The following BBX variants were observed in gnomAD, a reference collection of about 807,000 sequenced individuals.
The protein encoded by BBX is BBX high mobility group box domain containing.
A neutral mutation model predicts 100.2 loss-of-function variants in BBX; 30 were observed. The ratio of observed to expected loss-of-function variants is 0.30; its 90% confidence interval spans 0.22 to 0.41. BBX has a LOEUF of 0.41. Among genes scored for constraint, BBX ranks in the 10% least tolerant of loss-of-function variants. The probability of loss-of-function intolerance (pLI) is 1.00; values close to 1 mark genes in which losing one functional copy is unlikely to be tolerated. For synonymous variants in BBX, 376 were observed against 388.1 expected (o/e 0.97, Z 0.37); for missense variants, 1,023 against 1,129.8 (o/e 0.91, Z 1.35).
At chr3:107,604,499 G>A (rs2054287798) in intron 2 of BBX, among the ~76,000 whole-genome samples, 1 of 152,046 alleles carries the variant, frequency 6.6e-6, no homozygotes, top group South Asian at 2.1e-4. Flanking sequence ...TTGGGACTGA[G>A]CCTATCATTC....
In BBX at chr3:107,534,218, A is replaced by G. The variant is rs1011845606; in HGVS notation, c.-84+7820A>G. ...AGGAAAGCCACAGATTAAGTAATTC[A>G]GAGGGACTCTTATTAGCAATGCTGA... On this transcript the variant is annotated intron_variant, in intron 2 of 17. Transcript: ENST00000325805. Among the ~76,000 whole-genome samples the G allele has an allele frequency of 3.9e-5, 6 of 152,238 alleles. No individual in the cohort carries two copies. The South Asian group carries it at 8.3e-4, about 21-fold the overall frequency.
rs2063142173 is a variant in BBX, at chr3:107,728,971, A to T, written c.601+11A>T. The T allele has an allele frequency of 6.8e-6, 11 of 1,611,578 alleles. No individual in the cohort carries two copies. The East Asian group carries it at 2.5e-4, about 36-fold the overall frequency. ...ACTTTGGAATGGCTGGTGAGTTGAG[A>T]CACTATTTCCACCTATTCTTTAAGG... On this transcript the variant is annotated intron_variant, in intron 6 of 17. Transcript: ENST00000325805.
intron 6 of BBX, among the ~76,000 whole-genome samples, chr3:107,730,042 T>A (rs565198720): frequency 6.6e-6 from 1 of 152,174 alleles, no homozygotes; most frequent in South Asian, 2.1e-4. Context: ...AGCTGTGACC[T>A]CACGACTGCA....
At chr3:107,587,882 T>G (rs77517516) in intron 2 of BBX, among the ~76,000 whole-genome samples, 1 of 152,196 alleles carries the variant, frequency 6.6e-6, no homozygotes, top group South Asian at 2.1e-4. Flanking sequence ...CATTTACTCA[T>G]CACTGAAGTA....
chr3:107,764,032 G>A (rs913210661), intron 10 of BBX, among the ~76,000 whole-genome samples: 22 of 152,096 alleles, frequency 1.4e-4, no homozygotes, highest in Non-Finnish European at 2.5e-4. Context: ...TTGCTCTGTC[G>A]CCCAGGCTGG....
At chr3:107,585,782 A>C (rs1488238465) in intron 2 of BBX, among the ~76,000 whole-genome samples, 1 of 152,200 alleles carries the variant, frequency 6.6e-6, no homozygotes, top group East Asian at 1.9e-4. Flanking sequence ...CTAAAGTAAA[A>C]ATTAAACTAA....
chr3:107,707,682 C>T (rs2061468796), intron 3 of BBX, among the ~76,000 whole-genome samples: 1 of 152,074 alleles, frequency 6.6e-6, no homozygotes, highest in Admixed American at 6.5e-5. Context: ...GGTATGTGAG[C>T]TACGTGGGAA....
chr3:107,774,368 G>GTC (rs959745071), intron 11 of BBX, among the ~76,000 whole-genome samples: 1 of 152,144 alleles, frequency 6.6e-6, no homozygotes, highest in African/African-American at 2.4e-5. Flanking sequence ...AGGGATGTCA[G>GTC]TTCAGTGAGT....
At chr3:107,715,061 G>A (rs1222051399) in intron 4 of BBX, among the ~76,000 whole-genome samples, 2 of 152,150 alleles carry the variant, frequency 1.3e-5, no homozygotes, top group Non-Finnish European at 2.9e-5. Context: ...TGGGATTACA[G>A]GCATGAGCCA....
chr3:107,525,147 G>A (rs1235891299), intron 1 of BBX, among the ~76,000 whole-genome samples: 2 of 148,394 alleles, frequency 1.3e-5, no homozygotes, highest in African/African-American at 2.4e-5. Context: ...GGGGCGCCGG[G>A]GGTCCCCGGC....
At chr3:107,705,687 T>C (rs2061351418) in intron 3 of BBX, among the ~76,000 whole-genome samples, 1 of 152,188 alleles carries the variant, frequency 6.6e-6, no homozygotes, top group Non-Finnish European at 1.5e-5. Flanking sequence ...TGCTTCCCAG[T>C]CTAAAAAGCT....
intron 2 of BBX, among the ~76,000 whole-genome samples, chr3:107,552,871 CTA>C (rs1559803372): frequency 6.6e-6 from 1 of 152,190 alleles, no homozygotes; most frequent in African/African-American, 2.4e-5. Context: ...TACGCAATCT[CTA>C]AGGACATTGC....
At chr3:107,661,475 A>C (rs1217134389) in intron 3 of BBX, among the ~76,000 whole-genome samples, 1 of 152,174 alleles carries the variant, frequency 6.6e-6, no homozygotes, top group African/African-American at 2.4e-5. Flanking sequence ...GTGTGTGTAG[A>C]TGTATCTCCA....
chr3:107,663,760 A>G (rs1474112059), intron 3 of BBX, among the ~76,000 whole-genome samples: 1 of 149,594 alleles, frequency 6.7e-6, no homozygotes, highest in East Asian at 2.0e-4. Flanking sequence ...TAGTTTATTT[A>G]CTTTCTTTTA....
intron 2 of BBX, among the ~76,000 whole-genome samples, chr3:107,548,330 G>A (rs142541169): frequency 7.7e-4 from 117 of 152,082 alleles, no homozygotes; most frequent in African/African-American, 2.4e-3. Context: ...TGCCTTTTTC[G>A]TTAGACGTGT....
intron 2 of BBX, among the ~76,000 whole-genome samples, chr3:107,564,237 T>A (rs1277644854): frequency 6.6e-6 from 1 of 152,184 alleles, no homozygotes; most frequent in Non-Finnish European, 1.5e-5. Context: ...TTTCTACCTT[T>A]TCTTGATACT....
At chr3:107,619,332 A>G (rs117901743) in intron 2 of BBX, among the ~76,000 whole-genome samples, 10 of 152,068 alleles carry the variant, frequency 6.6e-5, no homozygotes, top group African/African-American at 2.4e-4. Flanking sequence ...AACCACTGCC[A>G]GTCTGACTTT....
At chr3:107,661,329 T>C (rs1332129482) in intron 3 of BBX, among the ~76,000 whole-genome samples, 1 of 152,198 alleles carries the variant, frequency 6.6e-6, no homozygotes, top group Non-Finnish European at 1.5e-5. Flanking sequence ...CAGTGGATTT[T>C]GGAATCAGAA....
chr3:107,792,377 C>G (rs931446133), intron 15 of BBX, among the ~76,000 whole-genome samples: 1 of 152,170 alleles, frequency 6.6e-6, no homozygotes, highest in African/African-American at 2.4e-5. Context: ...TCTTTTGACT[C>G]TCAAATATGC....
Sources: gnomAD v4.1 joint callset for allele counts (sites outside exome capture counted in the v4.1 genomes callset) on GRCh38, gnomAD v4.1.1 for gene constraint, MANE v1.5 for transcripts, NCBI Gene and HGNC (gene_info 2026-07-23, HGNC 2026-07-21) for gene names.